The following RAPGEF2 variants were observed in gnomAD, a reference collection of about 807,000 sequenced individuals.
RAPGEF2 encodes Rap guanine nucleotide exchange factor 2, also known as PDZ domain containing guanine nucleotide exchange factor (GEF) 1.
In RAPGEF2, 54 loss-of-function variants were observed where a neutral mutation model predicts 186.7. The observed-to-expected ratio is 0.29, with a 90% CI of 0.23 to 0.36. RAPGEF2 has a LOEUF of 0.36. Ranked by LOEUF, RAPGEF2 falls within the 10% of genes least tolerant of loss-of-function variation. The probability of loss-of-function intolerance (pLI) is 1.00; values close to 1 mark genes in which losing one functional copy is unlikely to be tolerated. For missense variants in RAPGEF2, 1,532 were observed against 2,045.0 expected (o/e 0.75, Z 4.84); for synonymous variants, 712 against 705.9 (o/e 1.01, Z -0.14).
intron 3 of RAPGEF2, among the ~76,000 whole-genome samples, chr4:159,199,431 T>A (rs1392110399): frequency 6.6e-6 from 1 of 152,024 alleles, no homozygotes; most frequent in Non-Finnish European, 1.5e-5. Context: ...TGCCTTCTCA[T>A]GCCTACCATG....
At chr4:159,295,060 CAA>C (rs1761762768) in intron 7 of RAPGEF2, among the ~76,000 whole-genome samples, 1 of 152,164 alleles carries the variant, frequency 6.6e-6, no homozygotes, top group African/African-American at 2.4e-5. Flanking sequence ...AACAAAGAGA[CAA>C]AGTATGAAAC....
intron 1 of RAPGEF2, among the ~76,000 whole-genome samples, chr4:159,116,687 A>G (rs1371460406): frequency 6.6e-6 from 1 of 152,268 alleles, no homozygotes; most frequent in Admixed American, 6.5e-5. Flanking sequence ...AGACTGGATA[A>G]AGAAAATGTG....
chr4:159,317,493 G>A (rs1224680900), intron 9 of RAPGEF2, among the ~76,000 whole-genome samples: 1 of 152,158 alleles, frequency 6.6e-6, no homozygotes, highest in East Asian at 1.9e-4. Context: ...ATGGAAGCAG[G>A]GGAGTGGCCT....
intron 7 of RAPGEF2, among the ~76,000 whole-genome samples, chr4:159,249,699 C>CT (rs147082010): frequency 0.091 from 13,704 of 151,360 alleles, 1,533 homozygotes; most frequent in African/African-American, 0.27. Flanking sequence ...TAATAGTAAA[C>CT]TTTTTTTTTA....
intron 7 of RAPGEF2, among the ~76,000 whole-genome samples, chr4:159,270,298 A>G (rs1757964625): frequency 6.6e-6 from 1 of 152,216 alleles, no homozygotes; most frequent in African/African-American, 2.4e-5. Flanking sequence ...TGAATAAGAA[A>G]ATAGTTACTC....
At chr4:159,347,613 T>C (rs558449446) in intron 25 of RAPGEF2, among the ~76,000 whole-genome samples, 1 of 152,052 alleles carries the variant, frequency 6.6e-6, no homozygotes, top group Non-Finnish European at 1.5e-5. Context: ...TGAAACCCTG[T>C]CTCTACTAAA....
intron 1 of RAPGEF2, among the ~76,000 whole-genome samples, chr4:159,181,619 C>T (rs537456508): frequency 4.6e-4 from 65 of 141,972 alleles, no homozygotes; most frequent in African/African-American, 1.4e-3. Context: ...CGCTCTGTTG[C>T]CAGGCTGGAG....
At chr4:159,181,069 C>T (rs532186670) in intron 1 of RAPGEF2, among the ~76,000 whole-genome samples, 14 of 152,244 alleles carry the variant, frequency 9.2e-5, no homozygotes, top group African/African-American at 2.6e-4. Context: ...ATGTGTATGA[C>T]GTAATTTGTA....
rs373102580 is a variant in RAPGEF2, at chr4:159,284,102, A to G, written c.544-20240A>G. Among the ~76,000 whole-genome samples the G allele has an allele frequency of 3.3e-4, 50 of 152,350 alleles. 1 individual carries two copies. The East Asian group carries it at 9.4e-3, about 29-fold the overall frequency. On this transcript the variant is annotated intron_variant, in intron 7 of 29. Transcript: ENST00000691494. The stretch of plus-strand genomic sequence containing the variant: ...ACCAATGTCAGGCTGAAGTTTCTTT[A>G]TTGAAAAGTAACATAAAAGCTCTGA...
intron 1 of RAPGEF2, among the ~76,000 whole-genome samples, chr4:159,152,586 C>A (rs1470295440): frequency 6.6e-6 from 1 of 152,024 alleles, no homozygotes; most frequent in Admixed American, 6.6e-5. Flanking sequence ...TGTAATATCC[C>A]CTACTGAGTT....
chr4:159,268,909 T>C (rs1006273504), intron 7 of RAPGEF2, among the ~76,000 whole-genome samples: 4 of 151,724 alleles, frequency 2.6e-5, no homozygotes, highest in Admixed American at 6.6e-5. Flanking sequence ...ATGTTGGGAG[T>C]TTTCTGGCAT....
chr4:159,159,529 T>G (rs934707929), intron 1 of RAPGEF2, among the ~76,000 whole-genome samples: 1 of 147,462 alleles, frequency 6.8e-6, no homozygotes, highest in Admixed American at 6.8e-5. Context: ...AGAAAATTCT[T>G]TTATTTTGAT....
intron 7 of RAPGEF2, among the ~76,000 whole-genome samples, chr4:159,253,800 C>G (rs1561153566): frequency 6.6e-6 from 1 of 152,162 alleles, no homozygotes; most frequent in African/African-American, 2.4e-5. Flanking sequence ...AACCCCGTCT[C>G]TGCTAAAAAT....
At chr4:159,259,958 G>A (rs958307672) in intron 7 of RAPGEF2, among the ~76,000 whole-genome samples, 2 of 151,760 alleles carry the variant, frequency 1.3e-5, no homozygotes, top group African/African-American at 4.8e-5. Context: ...AACTTCTATT[G>A]TCCTATTATC....
intron 1 of RAPGEF2, among the ~76,000 whole-genome samples, chr4:159,180,079 G>A (rs780292560): frequency 1.3e-5 from 2 of 152,204 alleles, no homozygotes; most frequent in African/African-American, 4.8e-5. Flanking sequence ...GAAAGGCAAT[G>A]TGTGCCTATT....
At chr4:159,193,757 A>C (rs1748352583) in intron 3 of RAPGEF2, among the ~76,000 whole-genome samples, 1 of 152,262 alleles carries the variant, frequency 6.6e-6, no homozygotes, top group African/African-American at 2.4e-5. Flanking sequence ...GCGTATTCTT[A>C]AAGAATATAT....
At chr4:159,267,095 G>T in intron 7 of RAPGEF2, 1 of 1,113,974 alleles carries the variant, frequency 9.0e-7, no homozygotes, top group African/African-American at 1.6e-5. Flanking sequence ...GGAGAGGGAG[G>T]GTGAGAGAGA....
chr4:159,293,292 G>A (rs890210560), intron 7 of RAPGEF2, among the ~76,000 whole-genome samples: 15 of 152,026 alleles, frequency 9.9e-5, no homozygotes, highest in Non-Finnish European at 2.9e-5. Context: ...TTTCATCTTT[G>A]CTGGATGCAG....
At chr4:159,210,947 G>A (rs1750461470) in intron 4 of RAPGEF2, among the ~76,000 whole-genome samples, 1 of 152,114 alleles carries the variant, frequency 6.6e-6, no homozygotes, top group Non-Finnish European at 1.5e-5. Context: ...CTAAAGAGAG[G>A]CAAAGAAAGT....
Sources: allele counts gnomAD v4.1 joint callset (sites outside exome capture counted in the v4.1 genomes callset), GRCh38; gene constraint gnomAD v4.1.1; transcripts MANE v1.5; gene names NCBI Gene and HGNC (gene_info 2026-07-23, HGNC 2026-07-21).